Variants in TXK observed in about 807,000 individuals in gnomAD.
TXK encodes the protein tyrosine-protein kinase TXK.
TXK carries 60 observed loss-of-function variants against 81.0 expected under a neutral mutation model. The observed-to-expected ratio is 0.74, with a 90% CI of 0.60 to 0.92. TXK has a LOEUF of 0.92. Ranked by LOEUF, TXK falls within the 40% of genes least tolerant of loss-of-function variation. The pLI is 0.00. For synonymous variants in TXK, 203 were observed against 210.7 expected (o/e 0.96, Z 0.32); for missense variants, 581 against 638.3 (o/e 0.91, Z 0.97).
At chr4:48,078,206 A>G (rs1361988934) in intron 11 of TXK, among the ~76,000 whole-genome samples, 1 of 152,220 alleles carries the variant, frequency 6.6e-6, no homozygotes. Context: ...TCTAAGTCTC[A>G]TAAGATAGAC....
chr4:48,111,300 T>C (rs1054800854), intron 4 of TXK, among the ~76,000 whole-genome samples: 1 of 152,180 alleles, frequency 6.6e-6, no homozygotes, highest in Non-Finnish European at 1.5e-5. Context: ...TTTAGGTAAA[T>C]GAATTCTACA....
rs1464126349 is a variant in TXK, at chr4:48,117,360, A to G, written c.17-2958T>C. On this transcript the variant is annotated intron_variant, in intron 1 of 14. Transcript: ENST00000264316. ...CTACAGTTTTCCATTGACCAGGACT[A>G]TTAAGAATATTAAGAAATAAAGCTA... is the stretch of plus-strand genomic sequence containing the variant. 2.6e-5 allele frequency among the ~76,000 whole-genome samples: 4 copies of G among 152,196 alleles called. No individual in the cohort carries two copies. In the East Asian group the frequency reaches 7.7e-4, roughly 29 times the overall value.
intron 1 of TXK, among the ~76,000 whole-genome samples, chr4:48,121,371 G>C (rs1273679372): frequency 6.6e-6 from 1 of 152,126 alleles, no homozygotes; most frequent in Non-Finnish European, 1.5e-5. Flanking sequence ...CAGTTGCTCA[G>C]GTAAATAATC....
chr4:48,093,370 G>T (rs1475595046), intron 8 of TXK, among the ~76,000 whole-genome samples: 1 of 152,216 alleles, frequency 6.6e-6, no homozygotes, highest in Non-Finnish European at 1.5e-5. Context: ...AAAAGTTACC[G>T]TGGATTCTGA....
intron 1 of TXK, among the ~76,000 whole-genome samples, chr4:48,128,583 T>TTTTA (rs1719156459): frequency 6.9e-6 from 1 of 144,802 alleles, no homozygotes; most frequent in Non-Finnish European, 1.5e-5. Flanking sequence ...TTTTTTTTTT[T>TTTTA]GAGATGGAGT....
At chr4:48,124,577 A>G (rs2661531) in intron 1 of TXK, among the ~76,000 whole-genome samples, 6,806 of 151,776 alleles carry the variant, frequency 0.045, 518 homozygotes, top group African/African-American at 0.16. Context: ...TTTTCCACTC[A>G]TTCATCTTAT....
intron 1 of TXK, among the ~76,000 whole-genome samples, chr4:48,128,164 C>T (rs1050202747): frequency 2.0e-5 from 3 of 152,156 alleles, no homozygotes; most frequent in African/African-American, 7.2e-5. Flanking sequence ...GTCAGGGTTT[C>T]GTTTTGAATC....
chr4:48,120,770 C>T (rs552666880), intron 1 of TXK, among the ~76,000 whole-genome samples: 1 of 152,202 alleles, frequency 6.6e-6, no homozygotes, highest in Non-Finnish European at 1.5e-5. Flanking sequence ...GGATTAAAGG[C>T]ATGAGCCAGT....
In TXK at chr4:48,118,210, A is replaced by G. The variant is rs568818537; in HGVS notation, c.17-3808T>C. Among the ~76,000 whole-genome samples the G allele has an allele frequency of 9.8e-5, 15 of 152,308 alleles. No individual in the cohort carries two copies. In the East Asian group the frequency reaches 2.9e-3, roughly 29 times the overall value. ...TGAAGTTCTGGGAGGACTTTATTTC[A>G]ACACTATCTATCAGGCTACCTCTGA... On this transcript the variant is annotated intron_variant, in intron 1 of 14. Transcript: ENST00000264316.
intron 1 of TXK, among the ~76,000 whole-genome samples, chr4:48,132,945 A>G (rs1289309791): frequency 7.7e-6 from 1 of 130,468 alleles, no homozygotes; most frequent in South Asian, 2.3e-4. Flanking sequence ...GACTCTGTCT[A>G]AAAAAAAAAA....
At chr4:48,095,244 G>A in intron 6 of TXK, 22 bp from the exon 7 acceptor site, 1 of 1,583,922 alleles carries the variant, frequency 6.3e-7, no homozygotes, top group Non-Finnish European at 8.7e-7. Flanking sequence ...ATCATTTATT[G>A]AATAAGTCTA....
At chr4:48,105,247 T>C (rs1718415382) in intron 5 of TXK, among the ~76,000 whole-genome samples, 1 of 152,196 alleles carries the variant, frequency 6.6e-6, no homozygotes, top group Non-Finnish European at 1.5e-5. Flanking sequence ...ATGAAAGGTA[T>C]GTGGTAAATC....
chr4:48,104,901 C>T lies in TXK; in HGVS notation c.501G>A (p.Glu167=), dbSNP rs777796246. ...RNQAEHLLRQ[E]SKEGAFIVRD... is the part of the protein sequence containing the mutation. Reference sequence around the variant, plus strand: ...AATGTCCACAAATACATTGAATTACCTCTTGTCTCAATAGATGTTCTGCCT... The same window carrying T: ...AATGTCCACAAATACATTGAATTACTTCTTGTCTCAATAGATGTTCTGCCT... Residue 167 remains glutamate, a splice_region_variant and synonymous_variant, in exon 6 of 15, where the codon GAG becomes GAA. Coordinates refer to ENST00000264316, the MANE Select transcript of TXK (RefSeq NM_003328.3). The T allele has an allele frequency of 1.0e-5, 16 of 1,590,120 alleles. No homozygotes were observed. The highest frequency in any genetic ancestry group is 1.7e-6 in the Non-Finnish European group (2 of 1,168,742).
intron 13 of TXK, among the ~76,000 whole-genome samples, chr4:48,072,245 C>A (rs1407826437): frequency 6.6e-6 from 1 of 152,180 alleles, no homozygotes; most frequent in Non-Finnish European, 1.5e-5. Flanking sequence ...TCAGGTGATT[C>A]GACCACCTCA....
At chr4:48,106,174 T>C (rs1168034164) in intron 5 of TXK, 2 of 152,204 alleles carry the variant, frequency 1.3e-5, no homozygotes, top group Non-Finnish European at 2.9e-5. Context: ...GTATATGTGC[T>C]GCCGAAGCAA....
intron 1 of TXK, among the ~76,000 whole-genome samples, chr4:48,116,332 T>A (rs762168741): frequency 3.9e-5 from 6 of 152,134 alleles, no homozygotes; most frequent in Non-Finnish European, 8.8e-5. Flanking sequence ...TATAATAGGA[T>A]CGTGGTGAAG....
Position 48,123,056 on chromosome 4 carries a change from T to G in TXK, c.17-8654A>C, listed in dbSNP as rs569664346. Among the ~76,000 whole-genome samples the G allele has an allele frequency of 4.6e-5, 7 of 152,374 alleles. No homozygotes were observed. In the East Asian group the frequency reaches 1.3e-3, roughly 29 times the overall value. On this transcript the variant is annotated intron_variant, in intron 1 of 14. Transcript: ENST00000264316. ...TGACCATCTATATAGCCTCCTGTTT[T>G]AATATAAACAAATTATTTAATATCA...
At chr4:48,127,596 G>T (rs1719123214) in intron 1 of TXK, among the ~76,000 whole-genome samples, 1 of 152,254 alleles carries the variant, frequency 6.6e-6, no homozygotes, top group Non-Finnish European at 1.5e-5. Flanking sequence ...AATGTGGAAA[G>T]AATATATTCG....
intron 12 of TXK, among the ~76,000 whole-genome samples, chr4:48,075,892 T>C (rs1717051651): frequency 6.6e-6 from 1 of 152,128 alleles, no homozygotes; most frequent in Non-Finnish European, 1.5e-5. Flanking sequence ...TCCCTGTGAT[T>C]ATATTTCTAG....
Sources: allele counts gnomAD v4.1 joint callset (sites outside exome capture counted in the v4.1 genomes callset), GRCh38; gene constraint gnomAD v4.1.1; transcripts MANE v1.5; gene names NCBI Gene and HGNC (gene_info 2026-07-23, HGNC 2026-07-21).